Variants in FBXW7 observed in about 807,000 individuals in gnomAD.
FBXW7 encodes F-box/WD repeat-containing protein 7.
In FBXW7, 11 loss-of-function variants were observed where a neutral mutation model predicts 86.3. That is an observed-to-expected ratio of 0.13 (90% CI 0.08 to 0.21). The LOEUF (loss-of-function observed/expected upper bound fraction) is 0.21, where lower values mean the gene tolerates loss of function less well. Ranked by LOEUF, FBXW7 falls within the 10% of genes least tolerant of loss-of-function variation. FBXW7 has a pLI of 1.00. For missense variants in FBXW7, 488 were observed against 847.4 expected, an observed-to-expected ratio of 0.58 and a Z score of 5.27; for synonymous variants, 313 against 297.9, an observed-to-expected ratio of 1.05 and a Z score of -0.52.
rs553947729 is a variant in FBXW7, at chr4:152,458,369, C to T, written c.-119-45840G>A. On this transcript the variant is annotated intron_variant, in intron 2 of 13. Coordinates refer to ENST00000281708, the MANE Select transcript of FBXW7 (RefSeq NM_001349798.2). ...ACATAGTGGTCAAAAAGAAACTATA[C>T]TAGTGATGGAGCACATCTATTTTCA... is the stretch of plus-strand genomic sequence containing the variant. 6.6e-5 allele frequency among the ~76,000 whole-genome samples: 10 copies of T among 152,326 alleles called. No individual in the cohort carries two copies. In the South Asian group the frequency reaches 1.2e-3, roughly 19 times the overall value.
At chr4:152,405,168 C>A (rs1033607160) in intron 4 of FBXW7, among the ~76,000 whole-genome samples, 16 of 148,812 alleles carry the variant, frequency 1.1e-4, no homozygotes, top group Middle Eastern at 3.2e-3. Context: ...CTTCAATTCT[C>A]AAACTGAATT....
intron 6 of FBXW7, chr4:152,338,145 TAA>T: frequency 2.7e-6 from 1 of 369,756 alleles, no homozygotes; most frequent in Non-Finnish European, 4.8e-6. Context: ...CGTAAAAGGT[TAA>T]AAAAAAACAT....
rs1022602752 is a variant in FBXW7 at position 152,536,019 on chromosome 4, G to A, written c.-1105C>T. ...TCTCAGCGGCGGCGGCGGCGGCAGC[G>A]GCAGCGGCAGCGCCCGGAGCTCAGC... On this transcript the variant is annotated 5_prime_UTR_variant, in exon 1 of 14. Transcript: ENST00000281708. 42 of 222,910 alleles carry A rather than the reference G, an allele frequency of 1.9e-4. 1 individual carries two copies. Among genetic ancestry groups the A allele is most frequent in the South Asian group, 4.5e-4 (6 of 13,298 alleles). 13.8% of individuals were successfully genotyped at this position (222,910 alleles called of 1,614,324 possible).
At chr4:152,323,735 T>C (rs1728755246) in intron 13 of FBXW7, 2 of 174,948 alleles carry the variant, frequency 1.1e-5, no homozygotes, top group Admixed American at 1.1e-4. Context: ...TAGTAGGCAC[T>C]ATTATTCCTC....
At chr4:152,531,060 A>AACAC (rs60194504) in intron 2 of FBXW7, among the ~76,000 whole-genome samples, 60 of 151,680 alleles carry the variant, frequency 4.0e-4, no homozygotes, top group African/African-American at 1.5e-3. Flanking sequence ...TGGGTGCTAA[A>AACAC]ACACACACAC....
At chr4:152,514,282 A>G (rs1256316946) in intron 2 of FBXW7, among the ~76,000 whole-genome samples, 2 of 152,170 alleles carry the variant, frequency 1.3e-5, no homozygotes, top group African/African-American at 2.4e-5. Context: ...AAGAAGCAAC[A>G]TTCTTCCCAG....
chr4:152,495,634 G>C (rs1391879030), intron 2 of FBXW7, among the ~76,000 whole-genome samples: 1 of 151,982 alleles, frequency 6.6e-6, no homozygotes, highest in Non-Finnish European at 1.5e-5. Context: ...TCATATGTAG[G>C]GACTAGAAAT....
intron 9 of FBXW7, among the ~76,000 whole-genome samples, chr4:152,330,023 G>T (rs1729402521): frequency 6.6e-6 from 1 of 151,572 alleles, no homozygotes; most frequent in Non-Finnish European, 1.5e-5. Context: ...ACTGCATCAA[G>T]ACCTCATAAA....
intron 6 of FBXW7, among the ~76,000 whole-genome samples, chr4:152,345,174 G>A (rs551042023): frequency 6.6e-6 from 1 of 151,912 alleles, no homozygotes; most frequent in East Asian, 1.9e-4. Context: ...GCCTCTTATT[G>A]ACGGATAAAT....
intron 2 of FBXW7, among the ~76,000 whole-genome samples, chr4:152,458,700 C>T (rs1742662165): frequency 6.6e-6 from 1 of 152,168 alleles, no homozygotes. Flanking sequence ...CAGTATGACA[C>T]ACATAAAATT....
chr4:152,492,983 G>C (rs1256177122), intron 2 of FBXW7, among the ~76,000 whole-genome samples: 1 of 151,662 alleles, frequency 6.6e-6, no homozygotes, highest in African/African-American at 2.4e-5. Flanking sequence ...AATCAAAGTG[G>C]TAAGACTGCC....
chr4:152,387,010 T>G (rs1735581646), intron 4 of FBXW7, among the ~76,000 whole-genome samples: 1 of 152,150 alleles, frequency 6.6e-6, no homozygotes, highest in African/African-American at 2.4e-5. Context: ...GCTAGAAATT[T>G]AACTGCTCCT....
At chr4:152,529,714 C>T (rs548305394) in intron 2 of FBXW7, among the ~76,000 whole-genome samples, 76 of 152,124 alleles carry the variant, frequency 5.0e-4, no homozygotes, top group African/African-American at 1.7e-3. Flanking sequence ...CGCCTGCAAT[C>T]CCAGCACTGA....
intron 2 of FBXW7, among the ~76,000 whole-genome samples, chr4:152,432,744 A>T (rs1560890966): frequency 6.6e-6 from 1 of 152,198 alleles, no homozygotes; most frequent in Non-Finnish European, 1.5e-5. Context: ...CCTGGGAGGC[A>T]CAGGTTGCAG....
intron 2 of FBXW7, among the ~76,000 whole-genome samples, chr4:152,455,796 G>A (rs900668170): frequency 3.3e-5 from 5 of 152,090 alleles, no homozygotes; most frequent in African/African-American, 1.2e-4. Flanking sequence ...TCCAACCTCT[G>A]CTGCAGTCAT....
chr4:152,506,421 G>A (rs111841992), intron 2 of FBXW7, among the ~76,000 whole-genome samples: 2,474 of 152,272 alleles, frequency 0.016, 78 homozygotes, highest in African/African-American at 0.056. Flanking sequence ...GTGAGCCACC[G>A]CGCCCGGCCA....
At chr4:152,520,196 G>T (rs1364348214) in intron 2 of FBXW7, among the ~76,000 whole-genome samples, 1 of 152,064 alleles carries the variant, frequency 6.6e-6, no homozygotes, top group African/African-American at 2.4e-5. Context: ...CACTTTGGGA[G>T]GCCGAGGCGG....
rs1738156169 is a variant in FBXW7, at chr4:152,413,475, G to T, written c.-119-946C>A. The stretch of plus-strand genomic sequence containing the variant: ...AAAATGTTCCTCACTTTGCAGGCAA[G>T]GTAATCAAGGCTCAAAATGATTTAG... On this transcript the variant is annotated intron_variant, in intron 2 of 13. Transcript: ENST00000281708. Among the ~76,000 whole-genome samples, 2 of 151,990 alleles carry T rather than the reference G, an allele frequency of 1.3e-5. 1 individual carries two copies. Among genetic ancestry groups the T allele is most frequent in the South Asian group, 4.1e-4 (2 of 4,832 alleles).
chr4:152,470,206 G>C (rs902148129), intron 2 of FBXW7, among the ~76,000 whole-genome samples: 2 of 152,036 alleles, frequency 1.3e-5, no homozygotes, highest in East Asian at 3.9e-4. Context: ...GTAATATATA[G>C]AGATGCTAAT....
Sources: allele counts gnomAD v4.1 joint callset (sites outside exome capture counted in the v4.1 genomes callset), GRCh38; gene constraint gnomAD v4.1.1; transcripts MANE v1.5; gene names NCBI Gene and HGNC (gene_info 2026-07-23, HGNC 2026-07-21).